The following TRDMT1 variants were observed in gnomAD, a reference collection of about 807,000 sequenced individuals.
TRDMT1 encodes tRNA aspartic acid methyltransferase 1.
A neutral mutation model predicts 51.2 loss-of-function variants in TRDMT1; 49 were observed. That is an observed-to-expected ratio of 0.96 (90% confidence interval 0.76 to 1.21). The LOEUF is 1.21. Ranked by LOEUF, TRDMT1 falls within the 50% of genes most tolerant of loss-of-function variation. TRDMT1 has a pLI of 0.00. For synonymous variants in TRDMT1, 187 were observed against 164.6 expected (o/e 1.14, Z -1.04); for missense variants, 534 against 462.3 (o/e 1.16, Z -1.42).
chr10:17,149,313 A>G (rs571636343), intron 10 of TRDMT1, among the ~76,000 whole-genome samples, 173 bp from the exon 11 acceptor site: 21 of 152,286 alleles, frequency 1.4e-4, no homozygotes, highest in African/African-American at 4.8e-4. Context: ...CTATAACATT[A>G]TATTGCCTAC....
In TRDMT1 at chr10:17,146,820, T is replaced by C; in HGVS notation, c.*2220A>G. The C allele has an allele frequency of 5.1e-6, 5 of 985,384 alleles. No homozygotes were observed. Among genetic ancestry groups the C allele is most frequent in the Non-Finnish European group, 6.0e-6 (5 of 829,872 alleles). 61.0% of individuals were successfully genotyped at this position (985,384 alleles called of 1,614,324 possible). ...ATAGCAGACATTCCATAAAATAACA[T>C]TTTCCAAATTAATTATGCATACATA... On this transcript the variant is annotated 3_prime_UTR_variant, in exon 11 of 11. Transcript: ENST00000377799.
rs1450753092 is a variant in TRDMT1, at chr10:17,200,215, T to C, written c.64+1356A>G. On this transcript the variant is annotated intron_variant, in intron 1 of 10. Coordinates refer to ENST00000377799, the MANE Select transcript of TRDMT1 (RefSeq NM_004412.7). Reference sequence around the variant, plus strand: ...CTGTACTTGCAAAAAAACTGAAGAATGATCTAAATATTCGACACTTAAGGA... The same window carrying C: ...CTGTACTTGCAAAAAAACTGAAGAACGATCTAAATATTCGACACTTAAGGA... Among the ~76,000 whole-genome samples, 3 of 152,234 alleles carry C rather than the reference T, an allele frequency of 2.0e-5. No homozygotes were observed. In the East Asian group the frequency reaches 5.8e-4, roughly 29 times the overall value.
At chr10:17,157,247 C>T (rs1839649755) in intron 8 of TRDMT1, among the ~76,000 whole-genome samples, 194 bp downstream of exon 8, 1 of 152,076 alleles carries the variant, frequency 6.6e-6, no homozygotes, top group Non-Finnish European at 1.5e-5. Context: ...GTGGGTGGTG[C>T]ACATAATGTT....
Position 17,190,020 on chromosome 10 carries a change from T to C in TRDMT1, c.64+11551A>G, listed in dbSNP as rs187093315. Reference sequence around the variant, plus strand: ...GCTGTTTTACTTTACACAAAGGGGTTTGGCTAGGTTTGTGTTGATTTAAAG... The same window carrying C: ...GCTGTTTTACTTTACACAAAGGGGTCTGGCTAGGTTTGTGTTGATTTAAAG... On this transcript the variant is annotated intron_variant, in intron 1 of 10. Transcript: ENST00000377799. Among the ~76,000 whole-genome samples, 121 of 152,282 alleles carry C rather than the reference T, an allele frequency of 7.9e-4. 1 individual carries two copies. The highest frequency in any genetic ancestry group is 2.6e-3 in the African/African-American group (108 of 41,558).
chr10:17,201,666 T>G lies in TRDMT1; in HGVS notation c.-32A>C. 1 of 1,533,226 alleles carries G rather than the reference T, an allele frequency of 6.5e-7. No homozygotes were observed. The highest frequency in any genetic ancestry group is 8.8e-7 in the Non-Finnish European group (1 of 1,140,190). 95.0% of individuals were successfully genotyped at this position (1,533,226 alleles called of 1,614,324 possible). ...GCCTCAGCCGCCGCAGCCCCGGAGC[T>G]AGGCCTGCCGGTCCGTCGCTCCTCC... On this transcript the variant is annotated 5_prime_UTR_variant, in exon 1 of 11. Coordinates refer to ENST00000377799, the MANE Select transcript of TRDMT1 (RefSeq NM_004412.7).
intron 3 of TRDMT1, among the ~76,000 whole-genome samples, chr10:17,166,297 A>G (rs1841196476): frequency 6.8e-6 from 1 of 146,592 alleles, no homozygotes; most frequent in Non-Finnish European, 1.5e-5. Flanking sequence ...GCAAGTTCTC[A>G]CTCATAGGTG....
chr10:17,169,877 T>C (rs1299867351), intron 2 of TRDMT1, among the ~76,000 whole-genome samples: 1 of 152,042 alleles, frequency 6.6e-6, no homozygotes, highest in Admixed American at 6.6e-5. Flanking sequence ...ATATTGAAAA[T>C]TTCCTAAAGC....
intron 3 of TRDMT1, among the ~76,000 whole-genome samples, chr10:17,162,565 G>A (rs1297310328): frequency 1.3e-5 from 2 of 152,078 alleles, no homozygotes; most frequent in African/African-American, 2.4e-5. Context: ...AAATTAGGCC[G>A]AGCGTGGTGG....
Position 17,147,915 on chromosome 10 carries a change from A to G in TRDMT1, c.*1125T>C. 9 of 886,886 alleles carry G rather than the reference A, an allele frequency of 1.0e-5. No homozygotes were observed. The highest frequency in any genetic ancestry group is 1.2e-5 in the Non-Finnish European group (9 of 740,250). The allele number at this position is 886,886 out of a possible 1,614,324, so 54.9% of individuals were successfully genotyped here. A position where few individuals can be genotyped will look rare whatever the true frequency, so the allele number is the denominator to read the frequency against. On this transcript the variant is annotated 3_prime_UTR_variant, in exon 11 of 11. Coordinates refer to ENST00000377799, the MANE Select transcript of TRDMT1 (RefSeq NM_004412.7). Reference sequence around the variant, plus strand: ...AGCGTTTTCCAACAGCAGCTGAACCATTTTACGTTCCCACAAGCAATGCAC... The same window carrying G: ...AGCGTTTTCCAACAGCAGCTGAACCGTTTTACGTTCCCACAAGCAATGCAC...
At chr10:17,188,417 A>G (rs1844221705) in intron 1 of TRDMT1, among the ~76,000 whole-genome samples, 1 of 151,638 alleles carries the variant, frequency 6.6e-6, no homozygotes, top group Admixed American at 6.6e-5. Context: ...GTTTATAACC[A>G]GGTTCATTTA....
At chr10:17,185,301 CAA>C (rs564052497) in intron 1 of TRDMT1, among the ~76,000 whole-genome samples, 128 of 152,088 alleles carry the variant, frequency 8.4e-4, no homozygotes, top group African/African-American at 2.9e-3. Flanking sequence ...TTTATGCAGC[CAA>C]AAGACACATG....
chr10:17,187,339 T>G (rs920797564), intron 1 of TRDMT1, among the ~76,000 whole-genome samples: 1 of 152,204 alleles, frequency 6.6e-6, no homozygotes, highest in African/African-American at 2.4e-5. Context: ...CAATTTCACC[T>G]AGTAAATTAT....
rs1453883756 is a variant in TRDMT1 at position 17,176,043 on chromosome 10, T to C, written c.65-1383A>G. On this transcript the variant is annotated intron_variant, in intron 1 of 10. Transcript: ENST00000377799. Reference sequence around the variant, plus strand: ...TATAAAATAAATTTGAGGTTATAAATTGTATCTGTTAAAGCCATCAGATCT... The same window carrying C: ...TATAAAATAAATTTGAGGTTATAAACTGTATCTGTTAAAGCCATCAGATCT... 2.0e-5 allele frequency among the ~76,000 whole-genome samples: 3 copies of C among 152,176 alleles called. No homozygotes were observed. The East Asian group carries it at 5.8e-4, about 29-fold the overall frequency.
chr10:17,192,744 G>T (rs532781805), intron 1 of TRDMT1, among the ~76,000 whole-genome samples: 52 of 152,312 alleles, frequency 3.4e-4, no homozygotes, highest in Non-Finnish European at 2.2e-4. Flanking sequence ...AAGGAAAGAT[G>T]TTGTGTGGAG....
chr10:17,179,277 C>A (rs1382332108), intron 1 of TRDMT1, among the ~76,000 whole-genome samples: 1 of 152,118 alleles, frequency 6.6e-6, no homozygotes, highest in East Asian at 1.9e-4. Context: ...AGCCCTGAAG[C>A]TTTCCTTGGC....
rs1170371855 is a variant in TRDMT1 at position 17,201,624 on chromosome 10, A to G, written c.11T>C (p.Leu4Pro). ...GCCGCTGTATAGCTCCAGCACCCGCAGGGGCTCCATCCCCGCGCCTCAGCC... is the reference window on the plus strand; with the variant it reads ...GCCGCTGTATAGCTCCAGCACCCGCGGGGGCTCCATCCCCGCGCCTCAGCC... MEPLRVLELYSGVG... is the reference protein window; with the variant it reads MEPPRVLELYSGVG... Residue 4 changes from leucine to proline, a missense_variant, in exon 1 of 11, where the codon CTG becomes CCG. Leu to Pro is a moderately conservative substitution (Grantham distance 98, BLOSUM62 -3). Transcript: ENST00000377799. The G allele has an allele frequency of 6.5e-7, 1 of 1,545,044 alleles. No homozygotes were observed. Among genetic ancestry groups the G allele is most frequent in the Admixed American group, 2.0e-5 (1 of 50,646 alleles).
chr10:17,148,767 G>A lies in TRDMT1; in HGVS notation c.*273C>T, dbSNP rs1163058877. The stretch of plus-strand genomic sequence containing the variant: ...TGCTCCTTGATTTGTTTATAAAATT[G>A]TTTTTAAAAAGAATATTCCACATAT... On this transcript the variant is annotated 3_prime_UTR_variant, in exon 11 of 11. Coordinates refer to ENST00000377799, the MANE Select transcript of TRDMT1 (RefSeq NM_004412.7). 3 of 1,041,894 alleles carry A rather than the reference G, an allele frequency of 2.9e-6. No homozygotes were observed. The highest frequency in any genetic ancestry group is 5.2e-5 in the Admixed American group (1 of 19,174). The allele number at this position is 1,041,894 out of a possible 1,614,324, so 64.5% of individuals were successfully genotyped here. A position where few individuals can be genotyped will look rare whatever the true frequency, so the allele number is the denominator to read the frequency against.
chr10:17,176,489 G>T (rs1316296587), intron 1 of TRDMT1, among the ~76,000 whole-genome samples: 1 of 152,126 alleles, frequency 6.6e-6, no homozygotes, highest in Non-Finnish European at 1.5e-5. Context: ...AAAAACTGAT[G>T]AACTGAAATT....
rs1040857698 is a variant in TRDMT1 at position 17,141,430 on chromosome 10, G to A, written c.*7610C>T. ...CCCCCTTCGCCTCCTAAAGTGCTGG[G>A]ATTACAGGTGTCAGCCACCGCGCCC... On this transcript the variant is annotated 3_prime_UTR_variant, in exon 11 of 11. Transcript: ENST00000377799. 3.3e-5 allele frequency among the ~76,000 whole-genome samples: 5 copies of A among 152,094 alleles called. No individual in the cohort carries two copies. Among genetic ancestry groups the A allele is most frequent in the African/African-American group, 9.7e-5 (4 of 41,368 alleles).
Sources: allele counts gnomAD v4.1 joint callset (sites outside exome capture counted in the v4.1 genomes callset), GRCh38; gene constraint gnomAD v4.1.1; transcripts MANE v1.5; gene names NCBI Gene and HGNC (gene_info 2026-07-23, HGNC 2026-07-21).